The following AQP9 variants were observed in gnomAD, a reference collection of about 807,000 sequenced individuals.
AQP9 encodes the protein aquaporin-9.
Under a neutral mutation model 23.8 loss-of-function variants are expected in AQP9, and 19 were observed. The ratio of observed to expected loss-of-function variants is 0.80; its 90% CI spans 0.56 to 1.17. AQP9 has a LOEUF of 1.17. Among genes scored for constraint, AQP9 ranks in the 50% most tolerant of loss-of-function variants. The probability of loss-of-function intolerance (pLI) is 0.00; values close to 1 mark genes in which losing one functional copy is unlikely to be tolerated. For synonymous variants in AQP9, 153 were observed against 131.5 expected, an observed-to-expected ratio of 1.16 and a Z score of -1.12; for missense variants, 413 against 362.0, an observed-to-expected ratio of 1.14 and a Z score of -1.14.
At chr15:58,176,687 T>C (rs1244084129) in intron 4 of AQP9, among the ~76,000 whole-genome samples, 4 of 150,884 alleles carry the variant, frequency 2.7e-5, no homozygotes, top group African/African-American at 9.7e-5. Flanking sequence ...CTCAGCTCAC[T>C]GCAACCTCCA....
intron 1 of AQP9, among the ~76,000 whole-genome samples, chr15:58,158,375 A>T (rs530590567): frequency 3.3e-5 from 5 of 152,274 alleles, no homozygotes; most frequent in Admixed American, 6.5e-5. Flanking sequence ...CCTTACAGTG[A>T]TGTAAAATTA....
At chr15:58,174,227 G>C (rs1234753011) in intron 3 of AQP9, among the ~76,000 whole-genome samples, 1 of 151,828 alleles carries the variant, frequency 6.6e-6, no homozygotes, top group Non-Finnish European at 1.5e-5. Flanking sequence ...AGGCTGCAGT[G>C]AGCCAGGATC....
intron 1 of AQP9, chr15:58,138,934 T>G (rs1897905590): frequency 2.6e-6 from 1 of 378,534 alleles, no homozygotes; most frequent in Non-Finnish European, 4.9e-6. Flanking sequence ...CTTCTTTATT[T>G]CAGGTATTTA....
intron 2 of AQP9, among the ~76,000 whole-genome samples, chr15:58,170,507 C>T (rs1450650239): frequency 6.6e-6 from 1 of 151,840 alleles, no homozygotes; most frequent in Non-Finnish European, 1.5e-5. Context: ...CAGGTTCAAG[C>T]GATTCTCCTG....
chr15:58,159,245 C>G lies in AQP9; in HGVS notation c.112-7428C>G, dbSNP rs145709163. Among the ~76,000 whole-genome samples the G allele has an allele frequency of 1.2e-4, 19 of 152,168 alleles. 2 individuals are homozygous for G. The highest frequency in any genetic ancestry group is 9.8e-4 in the Admixed American group (15 of 15,274). ...GGTATTTCTTAGAAATTATACCTCC[C>G]ACTTTTCACATTTCATATCCTACCC... On this transcript the variant is annotated intron_variant, in intron 1 of 5. Transcript: ENST00000219919.
intron 4 of AQP9, 58 bp downstream of exon 4, chr15:58,175,094 G>A: frequency 7.1e-7 from 1 of 1,415,598 alleles, no homozygotes; most frequent in Non-Finnish European, 1.0e-6. Context: ...CTCATAAGGG[G>A]AATGCATTGG....
chr15:58,161,018 T>C (rs906504368), intron 1 of AQP9, among the ~76,000 whole-genome samples: 2 of 152,040 alleles, frequency 1.3e-5, no homozygotes, highest in African/African-American at 2.4e-5. Flanking sequence ...CTGGGAATCA[T>C]GAGGTAAGGC....
At chr15:58,141,353 T>C (rs1011099184) in intron 1 of AQP9, among the ~76,000 whole-genome samples, 4 of 152,238 alleles carry the variant, frequency 2.6e-5, no homozygotes, top group African/African-American at 4.8e-5. Flanking sequence ...AGGACAGCTT[T>C]CCAGGGCTGG....
intron 2 of AQP9, among the ~76,000 whole-genome samples, chr15:58,171,985 ATC>A (rs1322034681): frequency 5.3e-5 from 8 of 152,214 alleles, no homozygotes; most frequent in African/African-American, 9.6e-5. Flanking sequence ...TCAAATGAAC[ATC>A]TGTTTTCACT....
intron 5 of AQP9, among the ~76,000 whole-genome samples, chr15:58,180,507 C>A (rs1340446142): frequency 2.6e-5 from 4 of 152,092 alleles, no homozygotes; most frequent in African/African-American, 9.7e-5. Context: ...CAGGGTGTAG[C>A]TCATAGAAAG....
intron 1 of AQP9, among the ~76,000 whole-genome samples, chr15:58,158,658 A>C (rs1049311018): frequency 6.6e-6 from 1 of 152,184 alleles, no homozygotes; most frequent in Non-Finnish European, 1.5e-5. Flanking sequence ...ATCTTTCCCA[A>C]GGAGATCCTT....
At chr15:58,158,110 G>A (rs1174186252) in intron 1 of AQP9, among the ~76,000 whole-genome samples, 1 of 152,104 alleles carries the variant, frequency 6.6e-6, no homozygotes, top group African/African-American at 2.4e-5. Context: ...GGATAGATTG[G>A]GAACAGATGG....
At chr15:58,158,727 A>C (rs1273658958) in intron 1 of AQP9, among the ~76,000 whole-genome samples, 2 of 152,208 alleles carry the variant, frequency 1.3e-5, no homozygotes, top group Non-Finnish European at 2.9e-5. Context: ...GTATTCATTA[A>C]TTCTGAAAAT....
intron 1 of AQP9, among the ~76,000 whole-genome samples, chr15:58,140,197 CTTTT>C (rs67540225): frequency 1.5e-5 from 2 of 131,632 alleles, no homozygotes; most frequent in Non-Finnish European, 1.7e-5. Flanking sequence ...AACTACACAT[CTTTT>C]TTTTTTTTTT....
chr15:58,150,671 C>T (rs1423364872), intron 1 of AQP9: 1 of 152,224 alleles, frequency 6.6e-6, no homozygotes, highest in Non-Finnish European at 1.5e-5. Context: ...CGACACCTTA[C>T]TAGCAATTAC....
chr15:58,181,373 C>A (rs1299982994), intron 5 of AQP9, among the ~76,000 whole-genome samples: 1 of 152,148 alleles, frequency 6.6e-6, no homozygotes, highest in Non-Finnish European at 1.5e-5. Flanking sequence ...GAAGCTCTTA[C>A]ACAAGGTTGA....
At chr15:58,176,029 C>A (rs1279935408) in intron 4 of AQP9, among the ~76,000 whole-genome samples, 8 of 152,152 alleles carry the variant, frequency 5.3e-5, no homozygotes, top group African/African-American at 1.9e-4. Flanking sequence ...CAACTTCCTG[C>A]GTGGCTTCAG....
intron 1 of AQP9, among the ~76,000 whole-genome samples, chr15:58,149,738 G>A (rs115895751): frequency 5.3e-4 from 80 of 152,336 alleles, no homozygotes; most frequent in African/African-American, 1.9e-3. Context: ...GGAGGGCCAA[G>A]GTTTGCAGAG....
intron 3 of AQP9, among the ~76,000 whole-genome samples, chr15:58,174,515 A>C (rs1353051364): frequency 6.6e-6 from 1 of 152,060 alleles, no homozygotes; most frequent in African/African-American, 2.4e-5. Flanking sequence ...ATACTGCAAC[A>C]CCCTCAAATT....
Sources: allele counts gnomAD v4.1 joint callset (sites outside exome capture counted in the v4.1 genomes callset), GRCh38; gene constraint gnomAD v4.1.1; transcripts MANE v1.5; gene names NCBI Gene and HGNC (gene_info 2026-07-23, HGNC 2026-07-21).